PITRM1: variants seen among roughly 807,000 people sequenced by gnomAD.
The protein encoded by PITRM1 is pitrilysin metallopeptidase 1.
Under a neutral mutation model 129.9 loss-of-function variants are expected in PITRM1, and 100 were observed. The observed-to-expected ratio is 0.77, with a 90% CI of 0.65 to 0.91. The LOEUF (loss-of-function observed/expected upper bound fraction) is 0.91, where lower values mean the gene tolerates loss of function less well. Among genes scored for constraint, PITRM1 ranks in the 40% least tolerant of loss-of-function variants. PITRM1 has a pLI of 0.00. For missense variants in PITRM1, 1,471 were observed against 1,318.3 expected, an observed-to-expected ratio of 1.12 and a Z score of -1.79; for synonymous variants, 591 against 508.8, an observed-to-expected ratio of 1.16 and a Z score of -2.17.
At position 3,163,793 on chromosome 10, in the gene PITRM1, G is replaced by A; in HGVS notation, c.723C>T (p.Cys241=). ...GCTGCTCCCATGTAAGCTCCGGGAT[G>A]CACAGTGGGTCACCCCCGGAGACCA... ...YSVVSGGDPL[C]IPELTWEQLK... Residue 241 remains cysteine, a synonymous_variant, in exon 7 of 27, where the codon TGC becomes TGT. Transcript: ENST00000224949. 1.2e-6 allele frequency: 2 copies of A among 1,613,186 alleles called. No homozygotes were observed. The highest frequency in any genetic ancestry group is 1.7e-6 in the Non-Finnish European group (2 of 1,179,390).
chr10:3,140,664 G>A, intron 24 of PITRM1, 23 bp downstream of exon 24: 8 of 1,588,156 alleles, frequency 5.0e-6, no homozygotes, highest in Non-Finnish European at 6.9e-6. Context: ...GCATCCCAAT[G>A]TGTGAACTAG....
intron 6 of PITRM1, 46 bp from the exon 7 acceptor site, chr10:3,163,931 TAC>T: frequency 3.1e-6 from 4 of 1,307,042 alleles, no homozygotes; most frequent in Non-Finnish European, 4.3e-6. Flanking sequence ...TGTAAAATAA[TAC>T]ACACGTTACA....
At chr10:3,162,155 CT>C (rs199618651) in intron 7 of PITRM1, among the ~76,000 whole-genome samples, 3,327 of 38,132 alleles carry the variant, frequency 0.087, 100 homozygotes, top group African/African-American at 0.14. Context: ...CAGACCCTGT[CT>C]TTAAAAAAAA....
In PITRM1 at chr10:3,140,737, A is replaced by G; in HGVS notation, c.2721T>C (p.Gly907=). Residue 907 remains glycine, a synonymous_variant, in exon 24 of 27, where the codon GGT becomes GGC. Coordinates refer to ENST00000224949, the MANE Select transcript of PITRM1 (RefSeq NM_014889.4). Reference sequence around the variant, plus strand: ...CATTGTGGCTGAGTTTTGCGCCTCCACCATAAGCACCGCCTTTTTCTCGAA... The same window carrying G: ...CATTGTGGCTGAGTTTTGCGCCTCCGCCATAAGCACCGCCTTTTTCTCGAA... ...TEIREKGGAY[G]GGAKLSHNGI... 6.3e-7 allele frequency: 1 copy of G among 1,597,196 alleles called. No homozygotes were observed. The highest frequency in any genetic ancestry group is 8.5e-7 in the Non-Finnish European group (1 of 1,171,202).
At chr10:3,143,200 A>G in intron 23 of PITRM1, 189 bp downstream of exon 23, 1 of 593,202 alleles carries the variant, frequency 1.7e-6, no homozygotes, top group South Asian at 2.0e-5. Flanking sequence ...CTGGCTCTAA[A>G]ACTGGGTCTC....
At position 3,148,192 on chromosome 10, in the gene PITRM1, T is replaced by A. The variant is rs779094075; in HGVS notation, c.1971A>T (p.Ser657=). The A allele has an allele frequency of 6.2e-7, 1 of 1,613,884 alleles. No individual in the cohort carries two copies. The highest frequency in any genetic ancestry group is 1.1e-5 in the South Asian group (1 of 91,076). ...CTACCTGCTCGTAGGTGTCCATGTG[T>A]GAGTCGTCGGGGAGCACGTGGGGAG... is the stretch of plus-strand genomic sequence containing the variant. ...SASPHVLPDD[S]HMDTYEQGVL... Residue 657 remains serine (S), a synonymous_variant, in exon 17 of 27, where the codon TCA becomes TCT. Transcript: ENST00000224949.
At chr10:3,154,152 C>T (rs1206394119) in intron 14 of PITRM1, among the ~76,000 whole-genome samples, 8 of 152,226 alleles carry the variant, frequency 5.3e-5, no homozygotes, top group African/African-American at 1.9e-4. Context: ...TGGCACCCGG[C>T]TTCTTTCCCT....
intron 22 of PITRM1, chr10:3,143,858 A>G: frequency 1.8e-6 from 1 of 551,574 alleles, no homozygotes; most frequent in South Asian, 1.6e-5. Context: ...TATCATAGGA[A>G]TGTGTTAAAT....
chr10:3,140,141 T>C (rs188432545), intron 24 of PITRM1, among the ~76,000 whole-genome samples: 67 of 152,268 alleles, frequency 4.4e-4, no homozygotes, highest in African/African-American at 1.5e-3. Flanking sequence ...AATACAACAA[T>C]TATACTGTAA....
chr10:3,162,263 G>A (rs562598689), intron 7 of PITRM1, among the ~76,000 whole-genome samples: 98 of 151,964 alleles, frequency 6.4e-4, no homozygotes, highest in African/African-American at 2.1e-3. Context: ...GAGAGCAGCC[G>A]GCCCTGCCTT....
rs373004876 is a variant in PITRM1, at chr10:3,165,302, G to A, written c.566C>T (p.Pro189Leu). ...QEGWRLEHEN[P>L]SDPQTPLVFK... Reference sequence around the variant, plus strand: ...GACCAAGGGCGTCTGGGGGTCGCTCGGATTCTCATGTTCCAGCCGCCATCC... The same window carrying A: ...GACCAAGGGCGTCTGGGGGTCGCTCAGATTCTCATGTTCCAGCCGCCATCC... Residue 189 changes from proline (P) to leucine (L), a missense_variant, in exon 6 of 27, where the codon CCG becomes CTG. Coordinates refer to ENST00000224949, the MANE Select transcript of PITRM1 (RefSeq NM_014889.4). The A allele has an allele frequency of 2.5e-6, 4 of 1,589,764 alleles. No homozygotes were observed. Among genetic ancestry groups the A allele is most frequent in the African/African-American group, 2.7e-5 (2 of 74,158 alleles).
At position 3,148,183 on chromosome 10, in the gene PITRM1, G is replaced by A. The variant is rs1841110956; in HGVS notation, c.1980C>T (p.Asp660=). The A allele has an allele frequency of 1.2e-6, 2 of 1,613,968 alleles. No individual in the cohort carries two copies. The highest frequency in any genetic ancestry group is 1.3e-5 in the African/African-American group (1 of 75,042). ...GGTACCAGGCTACCTGCTCGTAGGT[G>A]TCCATGTGTGAGTCGTCGGGGAGCA... The part of the protein sequence containing the change: ...PHVLPDDSHM[D]TYEQGVLFSS... Residue 660 remains aspartate, a synonymous_variant, in exon 17 of 27, where the codon GAC becomes GAT. Coordinates refer to ENST00000224949, the MANE Select transcript of PITRM1 (RefSeq NM_014889.4).
chr10:3,172,239 T>C (rs1843440190), intron 1 of PITRM1: 4 of 458,082 alleles, frequency 8.7e-6, no homozygotes, highest in Non-Finnish European at 1.8e-5. Context: ...TCGTCATTTT[T>C]TTCCCCATAA....
chr10:3,172,787 A>G (rs1314658504), upstream of PITRM1: 3 of 1,516,882 alleles, frequency 2.0e-6, no homozygotes, highest in Non-Finnish European at 2.6e-6. Context: ...CATGACGAGC[A>G]CCTGGCTGGC....
intron 23 of PITRM1, chr10:3,141,736 T>C (rs887820002): frequency 2.2e-6 from 1 of 457,128 alleles, no homozygotes; most frequent in Non-Finnish European, 4.5e-6. Flanking sequence ...ACAGGCCTTT[T>C]CCTAAAGTGG....
intron 1 of PITRM1, 61 bp downstream of exon 1, chr10:3,172,656 G>T: frequency 1.4e-6 from 2 of 1,473,428 alleles, no homozygotes; most frequent in Non-Finnish European, 1.8e-6. Context: ...CCTCCGGCCT[G>T]CCCTGGACCC....
chr10:3,155,362 T>C (rs2132443271), intron 14 of PITRM1, among the ~76,000 whole-genome samples: 1 of 152,312 alleles, frequency 6.6e-6, no homozygotes, highest in African/African-American at 2.4e-5. Context: ...GTAAAATAAA[T>C]ACATCTTTTC....
At chr10:3,148,337 C>G in intron 16 of PITRM1, 46 bp from the exon 17 acceptor site, 1 of 1,539,486 alleles carries the variant, frequency 6.5e-7, no homozygotes, top group Non-Finnish European at 8.7e-7. Context: ...TCAGTCTTTA[C>G]TGAATCATTT....
At chr10:3,143,284 GCA>G in intron 23 of PITRM1, 103 bp downstream of exon 23, 2 of 711,010 alleles carry the variant, frequency 2.8e-6, no homozygotes, top group Non-Finnish European at 2.5e-6. Flanking sequence ...CTCAGAGTCA[GCA>G]CAGACTTTTC....
Sources: allele counts gnomAD v4.1 joint callset (sites outside exome capture counted in the v4.1 genomes callset), GRCh38; gene constraint gnomAD v4.1.1; transcripts MANE v1.5; gene names NCBI Gene and HGNC (gene_info 2026-07-23, HGNC 2026-07-21).